Variants in LDLRAD3 observed in about 807,000 individuals in gnomAD.
The protein encoded by LDLRAD3 is low-density lipoprotein receptor class A domain-containing protein 3.
In LDLRAD3, 20 loss-of-function variants were observed where a neutral mutation model predicts 29.4. That is an observed-to-expected ratio of 0.68 (90% CI 0.48 to 0.99). The LOEUF (loss-of-function observed/expected upper bound fraction) is 0.99. LDLRAD3 is among the 50% of genes least tolerant of loss of function. LDLRAD3 has a pLI of 0.00. For missense variants in LDLRAD3, 420 were observed against 454.3 expected, an observed-to-expected ratio of 0.92 and a Z score of 0.69; for synonymous variants, 157 against 192.7, an observed-to-expected ratio of 0.81 and a Z score of 1.53.
intron 4 of LDLRAD3, among the ~76,000 whole-genome samples, chr11:36,151,237 A>G (rs1854274042): frequency 6.6e-6 from 1 of 152,106 alleles, no homozygotes; most frequent in Non-Finnish European, 1.5e-5. Flanking sequence ...ATGTACCCAC[A>G]TGGTAACATT....
At chr11:36,133,685 C>T (rs1475923135) in intron 4 of LDLRAD3, among the ~76,000 whole-genome samples, 1 of 151,660 alleles carries the variant, frequency 6.6e-6, no homozygotes, top group Non-Finnish European at 1.5e-5. Flanking sequence ...AGGCGCCTGC[C>T]ACCACGCCTG....
At chr11:36,121,635 G>T (rs180981984) in intron 4 of LDLRAD3, among the ~76,000 whole-genome samples, 1 of 152,228 alleles carries the variant, frequency 6.6e-6, no homozygotes, top group Non-Finnish European at 1.5e-5. Context: ...TCGCAAAAGA[G>T]AGACATGCAC....
chr11:36,069,656 T>C (rs1268855664), intron 2 of LDLRAD3, among the ~76,000 whole-genome samples: 2 of 151,974 alleles, frequency 1.3e-5, no homozygotes, highest in Non-Finnish European at 2.9e-5. Flanking sequence ...TTTTAATTAA[T>C]GAAAAGATGC....
intron 1 of LDLRAD3, among the ~76,000 whole-genome samples, chr11:35,973,713 T>C (rs1851443772): frequency 6.6e-6 from 1 of 152,118 alleles, no homozygotes; most frequent in African/African-American, 2.4e-5. Flanking sequence ...TTAGGTGATA[T>C]GCCCACCTCA....
chr11:35,963,074 G>A (rs1429551186), intron 1 of LDLRAD3, among the ~76,000 whole-genome samples: 2 of 152,144 alleles, frequency 1.3e-5, no homozygotes, highest in Non-Finnish European at 2.9e-5. Flanking sequence ...AGGGAGGAAG[G>A]CCAGGCCACA....
chr11:35,950,179 G>A (rs1306487641), intron 1 of LDLRAD3, among the ~76,000 whole-genome samples: 2 of 152,116 alleles, frequency 1.3e-5, no homozygotes, highest in African/African-American at 4.8e-5. Flanking sequence ...CTCTGCCAGT[G>A]TAATCTCGGA....
At chr11:36,145,765 G>A (rs1215779937) in intron 4 of LDLRAD3, among the ~76,000 whole-genome samples, 2 of 150,898 alleles carry the variant, frequency 1.3e-5, no homozygotes, top group African/African-American at 4.9e-5. Flanking sequence ...ATGGATTAAG[G>A]GTGGTGCAAG....
At chr11:35,968,866 A>G (rs1262303224) in intron 1 of LDLRAD3, among the ~76,000 whole-genome samples, 1 of 152,166 alleles carries the variant, frequency 6.6e-6, no homozygotes, top group African/African-American at 2.4e-5. Context: ...CTTTCCCTCT[A>G]CCAGCTAACA....
At chr11:36,177,781 G>T (rs1481038241) in intron 4 of LDLRAD3, among the ~76,000 whole-genome samples, 1 of 152,192 alleles carries the variant, frequency 6.6e-6, no homozygotes, top group Non-Finnish European at 1.5e-5. Flanking sequence ...TAGTCCGCTG[G>T]TTTTCACAAA....
intron 1 of LDLRAD3, among the ~76,000 whole-genome samples, chr11:35,958,844 T>C (rs263088): frequency 0.098 from 14,879 of 152,102 alleles, 1,513 homozygotes; most frequent in African/African-American, 0.25. Flanking sequence ...CCATACTACA[T>C]GAGTACAAGG....
At chr11:36,136,568 C>A in intron 4 of LDLRAD3, among the ~76,000 whole-genome samples, 1 of 152,130 alleles carries the variant, frequency 6.6e-6, no homozygotes, top group Non-Finnish European at 1.5e-5. Context: ...CTGCTTTCAC[C>A]ATGTGACATG....
intron 4 of LDLRAD3, among the ~76,000 whole-genome samples, chr11:36,111,289 G>A (rs1853601315): frequency 6.6e-6 from 1 of 152,174 alleles, no homozygotes; most frequent in Non-Finnish European, 1.5e-5. Flanking sequence ...TCGTAGACCT[G>A]TGAATTTCTA....
At chr11:35,971,999 A>T (rs1851418792) in intron 1 of LDLRAD3, among the ~76,000 whole-genome samples, 1 of 152,056 alleles carries the variant, frequency 6.6e-6, no homozygotes, top group Non-Finnish European at 1.5e-5. Context: ...GGTGTGGGGG[A>T]GGAGTCCCAG....
intron 1 of LDLRAD3, among the ~76,000 whole-genome samples, chr11:36,009,463 C>T (rs1851927435): frequency 6.6e-6 from 1 of 152,198 alleles, no homozygotes; most frequent in South Asian, 2.1e-4. Flanking sequence ...TTATTTTTCA[C>T]TTACATACCT....
chr11:36,207,234 A>G (rs1219432716), intron 4 of LDLRAD3, among the ~76,000 whole-genome samples: 2 of 152,168 alleles, frequency 1.3e-5, no homozygotes, highest in Admixed American at 6.5e-5. Context: ...GGACTTCTCC[A>G]TAGGGCAGCT....
intron 1 of LDLRAD3, among the ~76,000 whole-genome samples, chr11:36,019,456 T>C (rs1237850342): frequency 2.0e-5 from 3 of 152,214 alleles, no homozygotes; most frequent in Admixed American, 2.0e-4. Flanking sequence ...ATCCAGGTCA[T>C]GTGGAGAGCT....
In LDLRAD3 at chr11:36,177,076, G is replaced by C. The variant is rs530972877; in HGVS notation, c.455-50009G>C. Among the ~76,000 whole-genome samples, 29 of 151,966 alleles carry C rather than the reference G, an allele frequency of 1.9e-4. No individual in the cohort carries two copies. In the East Asian group the frequency reaches 5.2e-3, roughly 27 times the overall value. On this transcript the variant is annotated intron_variant, in intron 4 of 5. Coordinates refer to ENST00000315571, the MANE Select transcript of LDLRAD3 (RefSeq NM_174902.4). ...GAAAGCCTTGTCTTCGAGCTCTGAA[G>C]TTCTTTCCTCTACTTGTTTGATTCT...
In LDLRAD3 at chr11:35,964,376, C is replaced by T. The variant is rs565212035; in HGVS notation, c.46+20232C>T. On this transcript the variant is annotated intron_variant, in intron 1 of 5. Transcript: ENST00000315571. ...CAACTTGCTGGGACTTGGGTGAGAG[C>T]GAGGTTGTGTGAGTCCTGGGCTTTT... Among the ~76,000 whole-genome samples, 11 of 152,166 alleles carry T rather than the reference C, an allele frequency of 7.2e-5. No homozygotes were observed. In the East Asian group the frequency reaches 1.4e-3, roughly 19 times the overall value.
intron 4 of LDLRAD3, among the ~76,000 whole-genome samples, chr11:36,200,203 G>C (rs1002263845): frequency 1.1e-4 from 17 of 152,168 alleles, no homozygotes; most frequent in African/African-American, 4.1e-4. Flanking sequence ...AAACAGACCA[G>C]GTGGCTTAAA....
Sources: gnomAD v4.1 joint callset for allele counts (sites outside exome capture counted in the v4.1 genomes callset) on GRCh38, gnomAD v4.1.1 for gene constraint, MANE v1.5 for transcripts, NCBI Gene and HGNC (gene_info 2026-07-23, HGNC 2026-07-21) for gene names.